The following SMOC2 variants were observed in gnomAD, a reference collection of about 807,000 sequenced individuals.
The protein encoded by SMOC2 is SPARC-related modular calcium-binding protein 2.
SMOC2 carries 39 observed loss-of-function variants against 61.4 expected under a neutral mutation model. The observed-to-expected ratio is 0.64, with a 90% CI of 0.49 to 0.83. The LOEUF (loss-of-function observed/expected upper bound fraction) is 0.83, where lower values mean the gene tolerates loss of function less well. Among genes scored for constraint, SMOC2 ranks in the 40% least tolerant of loss-of-function variants. The pLI, the probability that SMOC2 is intolerant of heterozygous loss-of-function variation, is 0.00. For synonymous variants in SMOC2, 247 were observed against 239.9 expected, an observed-to-expected ratio of 1.03 and a Z score of -0.27; for missense variants, 556 against 592.9, an observed-to-expected ratio of 0.94 and a Z score of 0.65.
intron 1 of SMOC2, among the ~76,000 whole-genome samples, chr6:168,460,614 C>T (rs185454991): frequency 3.9e-4 from 59 of 152,262 alleles, no homozygotes; most frequent in Admixed American, 2.9e-3. Flanking sequence ...TTCAGGAACC[C>T]GGTGTGGGGC....
intron 1 of SMOC2, among the ~76,000 whole-genome samples, chr6:168,467,795 C>T (rs1490218818): frequency 6.6e-6 from 1 of 152,052 alleles, no homozygotes; most frequent in Non-Finnish European, 1.5e-5. Context: ...TGTGAGATGT[C>T]CTATTGAGTT....
intron 8 of SMOC2, among the ~76,000 whole-genome samples, chr6:168,600,464 G>C (rs1785522747): frequency 6.8e-6 from 1 of 146,112 alleles, no homozygotes. Flanking sequence ...TCAACTGTTG[G>C]AAACTGGAGG....
intron 1 of SMOC2, among the ~76,000 whole-genome samples, chr6:168,504,598 T>A (rs950352373): frequency 7.2e-5 from 11 of 151,992 alleles, no homozygotes; most frequent in Non-Finnish European, 1.5e-4. Flanking sequence ...GAATACAGGG[T>A]TGGGGACCTC....
At chr6:168,646,299 T>C (rs1459557997) in intron 9 of SMOC2, among the ~76,000 whole-genome samples, 1 of 152,188 alleles carries the variant, frequency 6.6e-6, no homozygotes, top group East Asian at 1.9e-4. Context: ...AGTGTGTGGC[T>C]GCTGTTATCC....
intron 7 of SMOC2, among the ~76,000 whole-genome samples, chr6:168,571,186 A>G (rs1583120490): frequency 6.6e-6 from 1 of 152,248 alleles, no homozygotes; most frequent in Non-Finnish European, 1.5e-5. Context: ...TGGCAGTTGA[A>G]TACATCTTTT....
chr6:168,519,109 G>A (rs1330778147), intron 2 of SMOC2, among the ~76,000 whole-genome samples: 1 of 143,974 alleles, frequency 6.9e-6, no homozygotes, highest in Non-Finnish European at 1.5e-5. Context: ...GTGTGTGAAC[G>A]CGTGTGTATG....
intron 4 of SMOC2, among the ~76,000 whole-genome samples, chr6:168,540,612 C>T (rs987277098): frequency 6.6e-6 from 1 of 152,140 alleles, no homozygotes; most frequent in African/African-American, 2.4e-5. Context: ...CTTCTCCCTG[C>T]AGCGCCACAT....
chr6:168,585,876 C>G (rs1007086774), intron 7 of SMOC2, among the ~76,000 whole-genome samples: 1 of 152,160 alleles, frequency 6.6e-6, no homozygotes, highest in Non-Finnish European at 1.5e-5. Context: ...GATTTGCAGA[C>G]GTTGTTTATA....
intron 1 of SMOC2, among the ~76,000 whole-genome samples, chr6:168,473,716 A>G (rs1782018124): frequency 6.6e-6 from 1 of 152,106 alleles, no homozygotes; most frequent in Admixed American, 6.5e-5. Flanking sequence ...TAGGGCTGAA[A>G]CAGGTCACCG....
At position 168,453,141 on chromosome 6, in the gene SMOC2, A is replaced by G. The variant is rs1781502202; in HGVS notation, c.84+11687A>G. Among the ~76,000 whole-genome samples the G allele has an allele frequency of 6.8e-6, 1 of 147,364 alleles. No homozygotes were observed. The highest frequency in any genetic ancestry group is 2.3e-4 in the South Asian group (1 of 4,430). ...AGGAATTCAGGGCAGTGTGGCTTGA[A>G]TCTGCTGTCCGACGCAGGCAGGTGC... is the stretch of plus-strand genomic sequence containing the variant. On this transcript the variant is annotated intron_variant, in intron 1 of 12. Transcript: ENST00000356284. The surrounding 1 kb of genome is among the most constrained non-coding windows in gnomAD (Gnocchi z 4.4).
chr6:168,530,652 C>T (rs1783572927), intron 4 of SMOC2, among the ~76,000 whole-genome samples: 1 of 127,804 alleles, frequency 7.8e-6, no homozygotes, highest in South Asian at 2.6e-4. Flanking sequence ...CCCCCCCCCG[C>T]CCCCACACCC....
At chr6:168,619,978 G>A (rs35492822) in intron 9 of SMOC2, among the ~76,000 whole-genome samples, 29,840 of 152,178 alleles carry the variant, frequency 0.2, 3,054 homozygotes, top group Middle Eastern at 0.31. Flanking sequence ...TCAAGGTTCC[G>A]GACACACGGG....
intron 7 of SMOC2, among the ~76,000 whole-genome samples, chr6:168,592,712 C>T (rs1785222519): frequency 1.5e-5 from 1 of 65,862 alleles, no homozygotes; most frequent in Non-Finnish European, 3.3e-5. Flanking sequence ...CCGAGCTCCT[C>T]CTCCTTCCTG....
At chr6:168,588,888 G>A (rs1785107780) in intron 7 of SMOC2, among the ~76,000 whole-genome samples, 2 of 151,998 alleles carry the variant, frequency 1.3e-5, no homozygotes, top group Admixed American at 6.6e-5. Context: ...CCAGGAGTTC[G>A]AGACCAGCCT....
intron 7 of SMOC2, among the ~76,000 whole-genome samples, chr6:168,591,313 T>A (rs952195683): frequency 6.6e-6 from 1 of 152,222 alleles, no homozygotes; most frequent in African/African-American, 2.4e-5. Flanking sequence ...ACACAGGCAA[T>A]GCTCGTGGAA....
chr6:168,567,738 A>G (rs1784574577), intron 7 of SMOC2, among the ~76,000 whole-genome samples: 1 of 151,928 alleles, frequency 6.6e-6, no homozygotes, highest in Non-Finnish European at 1.5e-5. Flanking sequence ...CTGAAGCTCG[A>G]TGAGGAGCCA....
intron 1 of SMOC2, among the ~76,000 whole-genome samples, chr6:168,502,334 C>T (rs1782750032): frequency 6.6e-6 from 1 of 152,210 alleles, no homozygotes; most frequent in Non-Finnish European, 1.5e-5. Flanking sequence ...TCACATGGCT[C>T]CATACACGTC....
chr6:168,564,084 T>A (rs1403875398), intron 7 of SMOC2, among the ~76,000 whole-genome samples: 2 of 152,230 alleles, frequency 1.3e-5, no homozygotes, highest in African/African-American at 4.8e-5. Flanking sequence ...ACATGGCAAC[T>A]ATTATCAATA....
At chr6:168,512,926 G>A (rs1458458530) in intron 2 of SMOC2, among the ~76,000 whole-genome samples, 1 of 152,240 alleles carries the variant, frequency 6.6e-6, no homozygotes, top group Non-Finnish European at 1.5e-5. Context: ...CTTGGAAAAT[G>A]TGTGGAAGTG....
Sources: gnomAD v4.1 joint callset for allele counts (sites outside exome capture counted in the v4.1 genomes callset) on GRCh38, gnomAD v4.1.1 for gene constraint, Gnocchi (gnomAD v3.1) non-coding constraint, MANE v1.5 for transcripts, NCBI Gene and HGNC (gene_info 2026-07-23, HGNC 2026-07-21) for gene names.